Variants in KCNMB1 observed in about 807,000 individuals in gnomAD.
KCNMB1 encodes potassium calcium-activated channel subfamily M regulatory beta subunit 1, also known as calcium-activated potassium channel subunit beta-1.
In KCNMB1, 22 loss-of-function variants were observed where a neutral mutation model predicts 21.7. The observed-to-expected ratio is 1.01, with a 90% CI of 0.72 to 1.45. KCNMB1 has a LOEUF of 1.45. Ranked by LOEUF, KCNMB1 falls within the 40% of genes most tolerant of loss-of-function variation. The pLI, the probability that KCNMB1 is intolerant of heterozygous loss-of-function variation, is 0.00. For missense variants in KCNMB1, 243 were observed against 243.4 expected, an observed-to-expected ratio of 1.00 and a Z score of 0.01; for synonymous variants, 114 against 107.6, an observed-to-expected ratio of 1.06 and a Z score of -0.37.
At chr5:170,382,748 C>T (rs1362480255) in intron 3 of KCNMB1, 2 of 151,598 alleles carry the variant, frequency 1.3e-5, no homozygotes, top group Admixed American at 6.6e-5. Flanking sequence ...TTCTGATACC[C>T]CCATCATTGT....
At chr5:170,383,510 CTG>C (rs1267074981) in intron 3 of KCNMB1, 167 bp downstream of exon 3, 10 of 737,490 alleles carry the variant, frequency 1.4e-5, no homozygotes, top group Non-Finnish European at 2.3e-5. Context: ...AAACCCAGGT[CTG>C]TGTGACTCCA....
rs4309989 is a variant in KCNMB1, at chr5:170,377,364, G to C, written c.*1340C>G. The C allele has an allele frequency of 0.15, 23,103 of 152,232 alleles. 2,016 individuals carry two copies. Among genetic ancestry groups the C allele is most frequent in the Non-Finnish European group, 0.19 (12,819 of 68,060 alleles). The allele number at this position is 152,232 out of a possible 1,614,324, so 9.4% of individuals were successfully genotyped here. On this transcript the variant is annotated 3_prime_UTR_variant, in exon 4 of 4. Transcript: ENST00000274629. ...CTGCCACAGGATCCTGATGCTGCTG[G>C]CCCAGGGACCACACTTGGACAGTCA...
At position 170,383,748 on chromosome 5, in the gene KCNMB1, G is replaced by A; in HGVS notation, c.237C>T (p.Val79=). 6.2e-7 allele frequency: 1 copy of A among 1,614,162 alleles called. No homozygotes were observed. Among genetic ancestry groups the A allele is most frequent in the East Asian group, 2.2e-5 (1 of 44,888 alleles). ...CCCACCTGCCGGCAGCTGACACGTT[G>A]ACCCACAGGCATGGGTACTGGGGCA... ...KKVPQYPCLW[V]NVSAAGRWAV... The change falls in exon 3 of 4, where the codon GTC becomes GTT. Residue 79 remains valine (V), a synonymous_variant. Coordinates refer to ENST00000274629, the MANE Select transcript of KCNMB1 (RefSeq NM_004137.4).
At chr5:170,384,481 C>T (rs1242354094) in intron 2 of KCNMB1, among the ~76,000 whole-genome samples, 8 of 152,200 alleles carry the variant, frequency 5.3e-5, no homozygotes, top group Non-Finnish European at 7.3e-5. Context: ...AGCCTGGAAT[C>T]GCTTCAGCGT....
At chr5:170,387,351 G>A (rs1371305542) in intron 1 of KCNMB1, among the ~76,000 whole-genome samples, 1 of 152,110 alleles carries the variant, frequency 6.6e-6, no homozygotes, top group African/African-American at 2.4e-5. Flanking sequence ...TCTATTTTCT[G>A]CTCAGGCGTC....
intron 3 of KCNMB1, among the ~76,000 whole-genome samples, chr5:170,381,800 G>A (rs1764251852): frequency 6.6e-6 from 1 of 152,236 alleles, no homozygotes; most frequent in Non-Finnish European, 1.5e-5. Context: ...AATGTTACCA[G>A]TTATTGAAAA....
Position 170,378,567 on chromosome 5 carries a change from A to G in KCNMB1, c.*137T>C, listed in dbSNP as rs1764098495. 1.1e-6 allele frequency: 1 copy of G among 934,682 alleles called. No homozygotes were observed. The highest frequency in any genetic ancestry group is 1.6e-5 in the South Asian group (1 of 61,846). 57.9% of individuals were successfully genotyped at this position (934,682 alleles called of 1,614,324 possible). On this transcript the variant is annotated 3_prime_UTR_variant, in exon 4 of 4. Coordinates refer to ENST00000274629, the MANE Select transcript of KCNMB1 (RefSeq NM_004137.4). The stretch of plus-strand genomic sequence containing the variant: ...AGGATTTCTCAAAGGTTAGTCCTGC[A>G]ACAGAAGACAGCGTGGATTGGACTG...
chr5:170,380,506 G>A (rs1764197221), intron 3 of KCNMB1, among the ~76,000 whole-genome samples: 1 of 152,242 alleles, frequency 6.6e-6, no homozygotes, highest in Non-Finnish European at 1.5e-5. Flanking sequence ...TGCCTGCCCT[G>A]AGGGCATTCA....
intron 3 of KCNMB1, among the ~76,000 whole-genome samples, chr5:170,379,825 A>T (rs182301950): frequency 6.6e-6 from 1 of 152,164 alleles, no homozygotes; most frequent in East Asian, 1.9e-4. Context: ...ATGGTGGTGT[A>T]CCTGTAGTCC....
chr5:170,385,976 A>T (rs1424521409), intron 1 of KCNMB1, among the ~76,000 whole-genome samples: 1 of 151,886 alleles, frequency 6.6e-6, no homozygotes, highest in Non-Finnish European at 1.5e-5. Context: ...AATACAAAAA[A>T]TTAGCCGGGT....
chr5:170,387,772 C>A (rs1764537639), intron 1 of KCNMB1, among the ~76,000 whole-genome samples: 2 of 152,212 alleles, frequency 1.3e-5, no homozygotes, highest in Non-Finnish European at 2.9e-5. Flanking sequence ...TCCATGTATT[C>A]ACAGGTAAAG....
At position 170,376,195 on chromosome 5, in the gene KCNMB1, C is replaced by T. The variant is rs1402084750; in HGVS notation, c.*2509G>A. On this transcript the variant is annotated 3_prime_UTR_variant, in exon 4 of 4. Transcript: ENST00000274629. ...TTTTTTTTTGAGACAGAGTCTTGCT[C>T]TGTTACCCAGGCTGGAGTGCCGTGG... 7 of 107,882 alleles carry T rather than the reference C, an allele frequency of 6.5e-5. No homozygotes were observed. The highest frequency in any genetic ancestry group is 6.9e-5 in the Non-Finnish European group (4 of 58,390). The allele number at this position is 107,882 out of a possible 1,614,324, so 6.7% of individuals were successfully genotyped here.
chr5:170,388,041 TG>T (rs1764556505), intron 1 of KCNMB1, among the ~76,000 whole-genome samples: 1 of 152,232 alleles, frequency 6.6e-6, no homozygotes, highest in Non-Finnish European at 1.5e-5. Context: ...CCCAGGGCCA[TG>T]GCCTCCTCTG....
intron 3 of KCNMB1, among the ~76,000 whole-genome samples, chr5:170,381,663 C>T (rs748972659): frequency 1.3e-5 from 2 of 152,260 alleles, no homozygotes; most frequent in African/African-American, 2.4e-5. Flanking sequence ...ACAGCAGTGG[C>T]TCCAGCATGT....
Position 170,378,625 on chromosome 5 carries a change from T to G in KCNMB1, c.*79A>C, listed in dbSNP as rs2656841. ...GGGAGGGCAGGTGGAGAAGGCATTG[T>G]GCTGCAAGTGGGGAGCAGCCCTGGG... On this transcript the variant is annotated 3_prime_UTR_variant, in exon 4 of 4. Coordinates refer to ENST00000274629, the MANE Select transcript of KCNMB1 (RefSeq NM_004137.4). The G allele has an allele frequency of 0.3, 429,844 of 1,428,758 alleles. 68,006 individuals are homozygous for G. The highest frequency in any genetic ancestry group is 0.47 in the African/African-American group (32,741 of 69,906). 88.5% of individuals were successfully genotyped at this position (1,428,758 alleles called of 1,614,324 possible). A position where few individuals can be genotyped will look rare whatever the true frequency, so the allele number is the denominator to read the frequency against.
intron 1 of KCNMB1, among the ~76,000 whole-genome samples, chr5:170,387,220 A>C (rs1214948499): frequency 1.3e-5 from 2 of 152,196 alleles, no homozygotes; most frequent in Non-Finnish European, 2.9e-5. Flanking sequence ...GCCAGATATC[A>C]GGGGGACTTT....
At position 170,383,788 on chromosome 5, in the gene KCNMB1, A is replaced by G; in HGVS notation, c.197T>C (p.Leu66Pro). Residue 66 changes from leucine to proline, a missense_variant, in exon 3 of 4, where the codon CTG (leucine) becomes CCG (proline). Leu to Pro is a moderately conservative substitution (Grantham distance 98, BLOSUM62 -3). Coordinates refer to ENST00000274629, the MANE Select transcript of KCNMB1 (RefSeq NM_004137.4). ...IETNIRDQEELKGKKVPQYPC... is the reference protein window; with the variant it reads ...IETNIRDQEEPKGKKVPQYPC... ...GTACTGGGGCACCTTCTTGCCCTTC[A>G]GCTCCTCCTGGTCCCTGATGTTGGT... 1.2e-6 allele frequency: 2 copies of G among 1,614,034 alleles called. No individual in the cohort carries two copies. Among genetic ancestry groups the G allele is most frequent in the South Asian group, 2.2e-5 (2 of 91,072 alleles).
At chr5:170,385,493 G>A (rs781137995) in intron 1 of KCNMB1, 22 bp from the exon 2 acceptor site, 39 of 1,612,474 alleles carry the variant, frequency 2.4e-5, no homozygotes, top group Non-Finnish European at 3.0e-5. Context: ...GAAGCAAACA[G>A]AAGTGAGATC....
At chr5:170,379,951 CAAA>C (rs113260730) in intron 3 of KCNMB1, among the ~76,000 whole-genome samples, 2 of 103,438 alleles carry the variant, frequency 1.9e-5, no homozygotes, top group Non-Finnish European at 2.1e-5. Context: ...GATCCCATTT[CAAA>C]AAAAAAAAAA....
Sources: gnomAD v4.1 joint callset for allele counts (sites outside exome capture counted in the v4.1 genomes callset) on GRCh38, gnomAD v4.1.1 for gene constraint, MANE v1.5 for transcripts, NCBI Gene and HGNC (gene_info 2026-07-23, HGNC 2026-07-21) for gene names.